KIAA0586: variants seen among roughly 807,000 people sequenced by gnomAD.
The protein encoded by KIAA0586 is protein TALPID3.
A neutral mutation model predicts 169.8 loss-of-function variants in KIAA0586; 144 were observed. The observed-to-expected ratio is 0.85, with a 90% CI of 0.74 to 0.97. The LOEUF (loss-of-function observed/expected upper bound fraction) is 0.97. Among genes scored for constraint, KIAA0586 ranks in the 50% least tolerant of loss-of-function variants. The pLI, the probability that KIAA0586 is intolerant of heterozygous loss-of-function variation, is 0.00. For synonymous variants in KIAA0586, 625 were observed against 612.4 expected, an observed-to-expected ratio of 1.02 and a Z score of -0.30; for missense variants, 1,854 against 1,823.0, an observed-to-expected ratio of 1.02 and a Z score of -0.31.
intron 29 of KIAA0586, among the ~76,000 whole-genome samples, chr14:58,525,319 T>C (rs1029329611): frequency 6.6e-6 from 1 of 151,746 alleles, no homozygotes; most frequent in African/African-American, 2.4e-5. Flanking sequence ...GCGAGATCAA[T>C]GCAGAAGGTG....
At chr14:58,476,172 A>G (rs1243065891) in intron 19 of KIAA0586, among the ~76,000 whole-genome samples, 5 of 152,188 alleles carry the variant, frequency 3.3e-5, no homozygotes, top group Non-Finnish European at 7.3e-5. Context: ...AACTGTGTTT[A>G]TTGCTGAACC....
At chr14:58,449,184 A>G (rs920665085) in intron 7 of KIAA0586, among the ~76,000 whole-genome samples, 21 of 152,232 alleles carry the variant, frequency 1.4e-4, no homozygotes, top group African/African-American at 5.1e-4. Flanking sequence ...TTGTTAGAAC[A>G]GTGTTGTTTT....
At position 58,543,982 on chromosome 14, in the gene KIAA0586, A is replaced by G. The variant is rs1257598444; in HGVS notation, c.4496-3799A>G. On this transcript the variant is annotated intron_variant, in intron 30 of 30. Transcript: ENST00000652326. ...TCATCACCCAGGTATTAAGCCTAGTACCCAATAGTTATTTTTTCTGCTCCT... is the reference window on the plus strand; with the variant it reads ...TCATCACCCAGGTATTAAGCCTAGTGCCCAATAGTTATTTTTTCTGCTCCT... The G allele has an allele frequency of 2.2e-6, 1 of 446,214 alleles. No individual in the cohort carries two copies. Among genetic ancestry groups the G allele is most frequent in the Admixed American group, 2.4e-5 (1 of 40,872 alleles). 27.6% of individuals were successfully genotyped at this position (446,214 alleles called of 1,614,324 possible).
chr14:58,456,184 G>A lies in KIAA0586; in HGVS notation c.1254-518G>A, dbSNP rs369854451. On this transcript the variant is annotated intron_variant, in intron 9 of 30. Transcript: ENST00000652326. The stretch of plus-strand genomic sequence containing the variant: ...TGTGAGGCTGTTGGTTTTCGAGGCC[G>A]CCACAGAGTTGGGAATAGGGTCCCG... 1.9e-3 allele frequency among the ~76,000 whole-genome samples: 287 copies of A among 152,206 alleles called. 1 individual carries two copies. The highest frequency in any genetic ancestry group is 5.6e-3 in the African/African-American group (232 of 41,524).
At chr14:58,505,281 A>G (rs1177282028) in intron 27 of KIAA0586, among the ~76,000 whole-genome samples, 1 of 152,166 alleles carries the variant, frequency 6.6e-6, no homozygotes, top group Non-Finnish European at 1.5e-5. Flanking sequence ...GTCAACCGGT[A>G]TTACTTAAAT....
chr14:58,457,442 ATTT>A (rs1213357354), intron 10 of KIAA0586, among the ~76,000 whole-genome samples: 1 of 151,988 alleles, frequency 6.6e-6, no homozygotes, highest in Non-Finnish European at 1.5e-5. Context: ...TAATTTTTGT[ATTT>A]TTAGTAGAGA....
At chr14:58,432,678 A>G (rs1311482709) in intron 4 of KIAA0586, among the ~76,000 whole-genome samples, 1 of 152,210 alleles carries the variant, frequency 6.6e-6, no homozygotes, top group Non-Finnish European at 1.5e-5. Context: ...ACACTTATAA[A>G]ATAGATTTAC....
Position 58,459,995 on chromosome 14 carries a change from G to A in KIAA0586, c.1809G>A (p.Lys603=). ...KSVIPRKHSQ[K]QIEEHFRNLP... is the part of the protein sequence containing the mutation. ...TAATTCCAAGAAAACATTCTCAAAA[G>A]CAAATAGAAGAGCATTTTAGAAATC... Residue 603 remains lysine (K), a synonymous_variant, in exon 13 of 31, where the codon AAG becomes AAA. Coordinates refer to ENST00000652326, the MANE Select transcript of KIAA0586 (RefSeq NM_001329943.3). The A allele has an allele frequency of 6.5e-7, 1 of 1,534,722 alleles. No homozygotes were observed. Among genetic ancestry groups the A allele is most frequent in the South Asian group, 1.2e-5 (1 of 83,966 alleles).
downstream of KIAA0586, among the ~76,000 whole-genome samples, chr14:58,552,386 G>A (rs2047218512): frequency 6.6e-6 from 1 of 152,050 alleles, no homozygotes; most frequent in African/African-American, 2.4e-5. Context: ...GTGTTTACCT[G>A]GAAACAATAG....
chr14:58,496,799 G>A (rs1183011790), intron 26 of KIAA0586, among the ~76,000 whole-genome samples: 2 of 152,128 alleles, frequency 1.3e-5, no homozygotes, highest in East Asian at 1.9e-4. Flanking sequence ...AAACATGGGA[G>A]CTTTCAGATA....
At chr14:58,536,934 T>C in intron 29 of KIAA0586, 2 of 847,340 alleles carry the variant, frequency 2.4e-6, no homozygotes, top group South Asian at 3.2e-5. Context: ...AATAGAACTT[T>C]ATAGATCAAA....
intron 7 of KIAA0586, 94 bp from the exon 8 acceptor site, chr14:58,450,485 G>T: frequency 1.5e-6 from 1 of 685,814 alleles, no homozygotes; most frequent in Non-Finnish European, 2.5e-6. Context: ...TTATAATTTT[G>T]AATTTATTTT....
intron 29 of KIAA0586, among the ~76,000 whole-genome samples, chr14:58,533,897 T>G (rs1206654349): frequency 6.6e-6 from 1 of 152,182 alleles, no homozygotes; most frequent in Admixed American, 6.5e-5. Flanking sequence ...AATGGTGGTG[T>G]TTTTATTTTC....
chr14:58,514,093 G>T (rs1404964529), intron 29 of KIAA0586, among the ~76,000 whole-genome samples: 1 of 152,082 alleles, frequency 6.6e-6, no homozygotes, highest in East Asian at 1.9e-4. Flanking sequence ...TACAGGCGAA[G>T]TCTTTCACTC....
intron 6 of KIAA0586, among the ~76,000 whole-genome samples, chr14:58,445,126 T>TACAC (rs140476366): frequency 1.1e-3 from 159 of 144,236 alleles, no homozygotes; most frequent in Middle Eastern, 3.5e-3. Context: ...CACACATACA[T>TACAC]ACACACACAC....
At chr14:58,459,120 A>G (rs1018530194) in intron 12 of KIAA0586, among the ~76,000 whole-genome samples, 6 of 152,144 alleles carry the variant, frequency 3.9e-5, no homozygotes. Flanking sequence ...CTAAGGTGTT[A>G]TTTTGTCCTG....
intron 5 of KIAA0586, among the ~76,000 whole-genome samples, 196 bp from the exon 6 acceptor site, chr14:58,443,758 C>T (rs1359995869): frequency 2.0e-5 from 3 of 151,922 alleles, no homozygotes; most frequent in South Asian, 4.2e-4. Flanking sequence ...GAAACATTTA[C>T]CTAAGGATAG....
chr14:58,520,444 A>T (rs182252539), intron 29 of KIAA0586, among the ~76,000 whole-genome samples: 44 of 152,292 alleles, frequency 2.9e-4, no homozygotes, highest in Admixed American at 5.2e-4. Flanking sequence ...GTGGAATCAT[A>T]CAAGATGTGG....
intron 5 of KIAA0586, among the ~76,000 whole-genome samples, chr14:58,443,095 C>T (rs1040045308): frequency 6.6e-6 from 1 of 152,218 alleles, no homozygotes; most frequent in Non-Finnish European, 1.5e-5. Flanking sequence ...GAATTTAGAA[C>T]TTTCCCAGTT....
Sources: gnomAD v4.1 joint callset for allele counts (sites outside exome capture counted in the v4.1 genomes callset) on GRCh38, gnomAD v4.1.1 for gene constraint, MANE v1.5 for transcripts, NCBI Gene and HGNC (gene_info 2026-07-23, HGNC 2026-07-21) for gene names.